The following ZNF292 variants were observed in gnomAD, a reference collection of about 807,000 sequenced individuals.
The protein encoded by ZNF292 is zinc finger protein 292, also known as 16 zinc-finger domain protein.
ZNF292 carries 26 observed loss-of-function variants against 217.9 expected under a neutral mutation model. That is an observed-to-expected ratio of 0.12 (90% CI 0.09 to 0.17). The LOEUF is 0.17. Ranked by LOEUF, ZNF292 falls within the 10% of genes least tolerant of loss-of-function variation. ZNF292 has a pLI of 1.00. For missense variants in ZNF292, 2,904 were observed against 3,175.2 expected (o/e 0.91, Z 2.05); for synonymous variants, 1,257 against 1,124.1 (o/e 1.12, Z -2.37).
rs770797718 is a variant in ZNF292 at position 87,261,008 on chromosome 6, A to C, written c.7379A>C (p.Asp2460Ala). 8.7e-6 allele frequency: 14 copies of C among 1,605,176 alleles called. No homozygotes were observed. Among genetic ancestry groups the C allele is most frequent in the Non-Finnish European group, 1.2e-5 (14 of 1,175,264 alleles). Residue 2460 changes from aspartate to alanine, a missense_variant, in exon 8 of 8, where the codon GAT becomes GCT. This residue lies in a region of ZNF292 where 380 missense variants were observed against 355.3 expected (regional missense o/e 1.07). Coordinates refer to ENST00000369577, the MANE Select transcript of ZNF292 (RefSeq NM_015021.3). ...DSDTCVSESN[D>A]NSRTTATVSQ... ...GACACGTGTGTATCAGAGAGCAATG[A>C]TAATTCAAGAACAACAGCTACAGTT... is the stretch of plus-strand genomic sequence containing the variant.
intron 1 of ZNF292, among the ~76,000 whole-genome samples, chr6:87,214,650 T>C (rs1166546152): frequency 6.6e-6 from 1 of 152,162 alleles, no homozygotes; most frequent in African/African-American, 2.4e-5. Flanking sequence ...GCAGGTTTTC[T>C]GTCCTTTCTG....
Position 87,229,715 on chromosome 6 carries a change from C to T in ZNF292, c.539-3610C>T, listed in dbSNP as rs565804022. Among the ~76,000 whole-genome samples the T allele has an allele frequency of 9.2e-5, 14 of 152,246 alleles. No individual in the cohort carries two copies. The East Asian group carries it at 1.7e-3, about 19-fold the overall frequency. ...TGCTGGGATTACAGGTGTGAGCCAC[C>T]GTGTCCAGCCTAATTGCTGAATTAT... On this transcript the variant is annotated intron_variant, in intron 4 of 7. Coordinates refer to ENST00000369577, the MANE Select transcript of ZNF292 (RefSeq NM_015021.3).
chr6:87,181,591 G>A (rs182317622), intron 1 of ZNF292, among the ~76,000 whole-genome samples: 21 of 152,282 alleles, frequency 1.4e-4, no homozygotes, highest in African/African-American at 2.2e-4. Flanking sequence ...GGCATTTGCC[G>A]GGGATCTGCC....
chr6:87,197,954 A>C (rs1018266324), intron 1 of ZNF292, among the ~76,000 whole-genome samples: 9 of 152,066 alleles, frequency 5.9e-5, no homozygotes, highest in African/African-American at 2.2e-4. Context: ...TCTGAAATGT[A>C]GTTAATTTTT....
chr6:87,256,847 T>C lies in ZNF292; in HGVS notation c.3218T>C (p.Phe1073Ser). 2 of 1,613,800 alleles carry C rather than the reference T, an allele frequency of 1.2e-6. No homozygotes were observed. The highest frequency in any genetic ancestry group is 1.7e-6 in the Non-Finnish European group (2 of 1,179,822). Reference sequence around the variant, plus strand: ...CTTAAGACATTAGAAAGTATTGCATTTGTTCCACCGCAGTCCGACCTAAGT... The same window carrying C: ...CTTAAGACATTAGAAAGTATTGCATCTGTTCCACCGCAGTCCGACCTAAGT... ...LPLKTLESIA[F>S]VPPQSDLSNS... The change falls in exon 8 of 8, where the codon TTT becomes TCT. Residue 1073 changes from phenylalanine to serine, a missense_variant. This residue lies in a region of ZNF292 where 687 missense variants were observed against 623.0 expected (regional missense o/e 1.10). Transcript: ENST00000369577.
rs144735449 is a variant in ZNF292 at position 87,258,374 on chromosome 6, A to C, written c.4745A>C (p.Asn1582Thr). The change falls in exon 8 of 8, where the codon AAT (asparagine) becomes ACT (threonine). Residue 1582 changes from asparagine (N) to threonine (T), a missense_variant. This residue lies in a region of ZNF292 where 622 missense variants were observed against 573.1 expected (regional missense o/e 1.09). Coordinates refer to ENST00000369577, the MANE Select transcript of ZNF292 (RefSeq NM_015021.3). Reference protein sequence around the residue: ...TNDLLLKTVENGLCSSSFPNS... With the variant: ...TNDLLLKTVETGLCSSSFPNS... ...GACTTACTACTGAAGACTGTTGAAA[A>C]TGGTTTGTGCTCTAGTTCATTTCCT... 3 of 1,613,558 alleles carry C rather than the reference A, an allele frequency of 1.9e-6. No individual in the cohort carries two copies. Among genetic ancestry groups the C allele is most frequent in the Non-Finnish European group, 1.7e-6 (2 of 1,179,784 alleles).
chr6:87,259,809 T>G lies in ZNF292; in HGVS notation c.6180T>G (p.Ile2060Met), dbSNP rs1440327965. Residue 2060 changes from isoleucine (I) to methionine (M), a missense_variant, in exon 8 of 8, where the codon ATT (isoleucine) becomes ATG (methionine). Around this residue, in one of 15 missense-constraint regions of ZNF292, gnomAD observed 261 missense variants for 272.8 expected, o/e 0.96. Coordinates refer to ENST00000369577, the MANE Select transcript of ZNF292 (RefSeq NM_015021.3). ...PDKTESSLQVITVTSEQCNTN... is the reference protein window; with the variant it reads ...PDKTESSLQVMTVTSEQCNTN... ...AAACAGAAAGTTCTTTACAAGTGAT[T>G]ACAGTTACTTCAGAACAATGTAATA... The G allele has an allele frequency of 1.9e-6, 3 of 1,610,508 alleles. No individual in the cohort carries two copies. In the Admixed American group the frequency reaches 5.1e-5, roughly 27 times the overall value.
Position 87,216,711 on chromosome 6 carries a change from A to T in ZNF292, c.402+334A>T, listed in dbSNP as rs1772800874. 1.3e-5 allele frequency among the ~76,000 whole-genome samples: 2 copies of T among 152,158 alleles called. 1 individual carries two copies. Among genetic ancestry groups the T allele is most frequent in the African/African-American group, 4.8e-5 (2 of 41,568 alleles). On this transcript the variant is annotated intron_variant, in intron 3 of 7. Coordinates refer to ENST00000369577, the MANE Select transcript of ZNF292 (RefSeq NM_015021.3). ...TCAATGTGCTTTATAAGAATTTCAC[A>T]TATATCATTTAATCCTCATGAAAAT...
At chr6:87,231,424 T>A (rs748557038) in intron 4 of ZNF292, among the ~76,000 whole-genome samples, 2 of 152,186 alleles carry the variant, frequency 1.3e-5, no homozygotes, top group Non-Finnish European at 2.9e-5. Flanking sequence ...TTTATGTCCC[T>A]AGGAAGTCAC....
chr6:87,196,801 T>A (rs888897379), intron 1 of ZNF292, among the ~76,000 whole-genome samples: 4 of 152,212 alleles, frequency 2.6e-5, no homozygotes, highest in Non-Finnish European at 5.9e-5. Context: ...TATTTAGTCC[T>A]TCCTAATGAA....
At chr6:87,179,682 T>A (rs1257444843) in intron 1 of ZNF292, among the ~76,000 whole-genome samples, 1 of 152,242 alleles carries the variant, frequency 6.6e-6, no homozygotes, top group East Asian at 1.9e-4. Context: ...TGTAATTTTA[T>A]GTTTCAGAAC....
At position 87,260,314 on chromosome 6, in the gene ZNF292, A is replaced by G. The variant is rs1363066436; in HGVS notation, c.6685A>G (p.Thr2229Ala). Reference sequence around the variant, plus strand: ...GTTAGAGTGTAAATCTTCATTTACTACATATTTGAACTATGTTGTTCATCT... The same window carrying G: ...GTTAGAGTGTAAATCTTCATTTACTGCATATTTGAACTATGTTGTTCATCT... ...DQLECKSSFT[T>A]YLNYVVHLEA... The change falls in exon 8 of 8, where the codon ACA becomes GCA. Residue 2229 changes from threonine to alanine, a missense_variant. Around this residue, in one of 15 missense-constraint regions of ZNF292, gnomAD observed 55 missense variants for 99.8 expected, o/e 0.55. Transcript: ENST00000369577. 4 of 1,613,598 alleles carry G rather than the reference A, an allele frequency of 2.5e-6. No homozygotes were observed. The highest frequency in any genetic ancestry group is 3.4e-6 in the Non-Finnish European group (4 of 1,179,592).
intron 7 of ZNF292, among the ~76,000 whole-genome samples, chr6:87,247,691 C>G (rs1008955116): frequency 2.6e-5 from 4 of 152,086 alleles, no homozygotes; most frequent in Non-Finnish European, 5.9e-5. Flanking sequence ...GATTTATAAA[C>G]ATACAAAACT....
intron 1 of ZNF292, among the ~76,000 whole-genome samples, chr6:87,171,719 A>G (rs926159987): frequency 1.3e-5 from 2 of 152,198 alleles, no homozygotes; most frequent in African/African-American, 4.8e-5. Context: ...TACTGATGGC[A>G]TATGTCAGCT....
intron 1 of ZNF292, among the ~76,000 whole-genome samples, chr6:87,179,753 A>G (rs1458262912): frequency 1.3e-5 from 2 of 152,110 alleles, no homozygotes; most frequent in African/African-American, 2.4e-5. Context: ...GGAAACCACT[A>G]GTTCATAGTG....
Position 87,261,294 on chromosome 6 carries a change from A to G in ZNF292, c.7665A>G (p.Ala2555=). The part of the protein sequence containing the change: ...RKVEKAEPAS[A]AELSSVRKEE... ...TTGAAAAAGCTGAACCAGCATCAGC[A>G]GCTGAGTTAAGTAGCGTGCGTAAAG... The change falls in exon 8 of 8, where the codon GCA becomes GCG. Residue 2555 remains alanine, a synonymous_variant. Transcript: ENST00000369577. 6.2e-7 allele frequency: 1 copy of G among 1,613,330 alleles called. No homozygotes were observed. Among genetic ancestry groups the G allele is most frequent in the Non-Finnish European group, 8.5e-7 (1 of 1,179,658 alleles).
rs749474154 is a variant in ZNF292, at chr6:87,259,683, A to G, written c.6054A>G (p.Glu2018=). The change falls in exon 8 of 8, where the codon GAA becomes GAG. Residue 2018 remains glutamate (E), a synonymous_variant. Coordinates refer to ENST00000369577, the MANE Select transcript of ZNF292 (RefSeq NM_015021.3). Reference sequence around the variant, plus strand: ...CTATGACAGAGGAAAATAAAAAGGAATCTCAGCCTGCTTTAGAATTGAGAG... The same window carrying G: ...CTATGACAGAGGAAAATAAAAAGGAGTCTCAGCCTGCTTTAGAATTGAGAG... ...QLAMTEENKK[E]SQPALELRAE... is the part of the protein sequence containing the mutation. 6.3e-5 allele frequency: 100 copies of G among 1,595,808 alleles called. No individual in the cohort carries two copies. The highest frequency in any genetic ancestry group is 8.4e-5 in the Non-Finnish European group (98 of 1,170,752).
At position 87,255,462 on chromosome 6, in the gene ZNF292, G is replaced by A; in HGVS notation, c.1833G>A (p.Arg611=). 6.2e-7 allele frequency: 1 copy of A among 1,613,554 alleles called. No individual in the cohort carries two copies. The highest frequency in any genetic ancestry group is 8.5e-7 in the Non-Finnish European group (1 of 1,179,788). ...TGAAACCATTAAGAAGATTGGGAAG[G>A]CCTCCAAAGATCACAACTACCAATG... The part of the protein sequence containing the change: ...AAMKPLRRLG[R]PPKITTTNEN... Residue 611 remains arginine (R), a synonymous_variant, in exon 8 of 8, where the codon AGG becomes AGA. Coordinates refer to ENST00000369577, the MANE Select transcript of ZNF292 (RefSeq NM_015021.3).
intron 6 of ZNF292, among the ~76,000 whole-genome samples, chr6:87,244,183 A>G (rs1447369917): frequency 6.6e-6 from 1 of 152,256 alleles, no homozygotes; most frequent in Non-Finnish European, 1.5e-5. Flanking sequence ...AATATTTACC[A>G]AATGACAGCA....
Sources: allele counts gnomAD v4.1 joint callset (sites outside exome capture counted in the v4.1 genomes callset), GRCh38; gene constraint gnomAD v4.1.1; regional missense constraint gnomAD v4.1.1; transcripts MANE v1.5; gene names NCBI Gene and HGNC (gene_info 2026-07-23, HGNC 2026-07-21).